Variants in CUL4A observed in about 807,000 individuals in gnomAD.
CUL4A encodes the protein cullin 4A.
CUL4A carries 16 observed loss-of-function variants against 95.5 expected under a neutral mutation model. That is an observed-to-expected ratio of 0.17 (90% confidence interval 0.11 to 0.25). The LOEUF (loss-of-function observed/expected upper bound fraction) is 0.25. Among genes scored for constraint, CUL4A ranks in the 10% least tolerant of loss-of-function variants. CUL4A has a pLI of 1.00. For missense variants in CUL4A, 610 were observed against 937.0 expected (o/e 0.65, Z 4.56); for synonymous variants, 380 against 353.1 (o/e 1.08, Z -0.85).
intron 9 of CUL4A, among the ~76,000 whole-genome samples, chr13:113,237,490 G>A (rs2041584382): frequency 6.6e-6 from 1 of 152,300 alleles, no homozygotes; most frequent in South Asian, 2.1e-4. Flanking sequence ...CTAGCAGCCT[G>A]CACCTTTAAA....
At chr13:113,234,953 T>C in intron 7 of CUL4A, 110 bp from the exon 8 acceptor site, 2 of 743,346 alleles carry the variant, frequency 2.7e-6, no homozygotes, top group Non-Finnish European at 4.5e-6. Context: ...GGCTTGAATA[T>C]GTATTCTGCT....
At chr13:113,229,619 T>A (rs1413959654) in intron 5 of CUL4A, 100 bp downstream of exon 5, 20 of 970,800 alleles carry the variant, frequency 2.1e-5, no homozygotes, top group Non-Finnish European at 2.8e-5. Flanking sequence ...TGTGTGTGAT[T>A]ACTTGTGCCT....
rs1210289688 is a variant in CUL4A, at chr13:113,232,186, G to A, written c.513-991G>A. Among the ~76,000 whole-genome samples, 11 of 6,658 alleles carry A rather than the reference G, an allele frequency of 1.7e-3. 3 individuals are homozygous for A. The highest frequency in any genetic ancestry group is 2.6e-3 in the African/African-American group (6 of 2,278). The allele number at this position is 6,658 out of a possible 152,430, so 4.4% of individuals were successfully genotyped here. A position where few individuals can be genotyped will look rare whatever the true frequency, so the allele number is the denominator to read the frequency against. On this transcript the variant is annotated intron_variant, in intron 5 of 19. Coordinates refer to ENST00000375440, the MANE Select transcript of CUL4A (RefSeq NM_001008895.4). ...CCACTACCCGCCCACCACCATTACTGCTGCCACCACTACCCGCCCACCACC... is the reference window on the plus strand; with the variant it reads ...CCACTACCCGCCCACCACCATTACTACTGCCACCACTACCCGCCCACCACC...
chr13:113,249,127 A>G (rs1595414992), intron 15 of CUL4A, among the ~76,000 whole-genome samples: 1 of 152,226 alleles, frequency 6.6e-6, no homozygotes, highest in Non-Finnish European at 1.5e-5. Flanking sequence ...TACATTAGAT[A>G]GTTCACAGAA....
chr13:113,245,086 C>A (rs754704109), intron 13 of CUL4A, 27 bp downstream of exon 13: 1 of 1,606,642 alleles, frequency 6.2e-7, no homozygotes, highest in Non-Finnish European at 8.5e-7. Flanking sequence ...TGGGCTCCTC[C>A]CCTGTAACTG....
chr13:113,245,548 G>A (rs1022998747), intron 14 of CUL4A, among the ~76,000 whole-genome samples: 7 of 152,216 alleles, frequency 4.6e-5, no homozygotes, highest in Non-Finnish European at 7.3e-5. Context: ...AGACCTTGTC[G>A]TGGATGGGTG....
chr13:113,208,714 C>T, upstream of CUL4A: 18 of 1,519,554 alleles, frequency 1.2e-5, no homozygotes, highest in Non-Finnish European at 1.5e-5. Flanking sequence ...CTCGGTCCGT[C>T]TGGGTCCTGG....
rs1041140802 is a variant in CUL4A, at chr13:113,265,327, T to G, written c.*1745T>G. 2 of 152,270 alleles carry G rather than the reference T, an allele frequency of 1.3e-5. No individual in the cohort carries two copies. The highest frequency in any genetic ancestry group is 6.5e-5 in the Admixed American group (1 of 15,284). The allele number at this position is 152,270 out of a possible 1,614,324, so 9.4% of individuals were successfully genotyped here. Reference sequence around the variant, plus strand: ...GCTATGGGAGGGCAAGGTGGGAGGATCGTTTGAGCCTGAGTTCCAGACCAT... The same window carrying G: ...GCTATGGGAGGGCAAGGTGGGAGGAGCGTTTGAGCCTGAGTTCCAGACCAT... On this transcript the variant is annotated 3_prime_UTR_variant, in exon 20 of 20. Coordinates refer to ENST00000375440, the MANE Select transcript of CUL4A (RefSeq NM_001008895.4).
At chr13:113,257,195 G>C (rs534128114) in intron 18 of CUL4A, among the ~76,000 whole-genome samples, 2 of 152,198 alleles carry the variant, frequency 1.3e-5, no homozygotes, top group East Asian at 3.9e-4. Flanking sequence ...AAAATGCTGA[G>C]ATTACAGGCG....
chr13:113,222,521 G>A (rs1452118868), intron 3 of CUL4A, among the ~76,000 whole-genome samples: 1 of 152,016 alleles, frequency 6.6e-6, no homozygotes, highest in Non-Finnish European at 1.5e-5. Flanking sequence ...GTCTGTCGTG[G>A]TCATGTTGAT....
chr13:113,243,667 T>C (rs2041784063), intron 11 of CUL4A, among the ~76,000 whole-genome samples: 1 of 151,602 alleles, frequency 6.6e-6, no homozygotes, highest in South Asian at 2.1e-4. Context: ...TGATTACTGC[T>C]GAAGATGTAA....
In CUL4A at chr13:113,245,959, A is replaced by G. The variant is rs892141798; in HGVS notation, c.1534A>G (p.Met512Val). 1.2e-6 allele frequency: 2 copies of G among 1,609,478 alleles called. No homozygotes were observed. Among genetic ancestry groups the G allele is most frequent in the South Asian group, 1.1e-5 (1 of 90,546 alleles). Residue 512 changes from methionine (M) to valine (V), a missense_variant, in exon 15 of 20, where the codon ATG becomes GTG. Around this residue, in one of 10 missense-constraint regions of CUL4A, gnomAD observed 44 missense variants for 75.6 expected, o/e 0.58. Transcript: ENST00000375440. ...GTCTTGGATTTCTCTGTTTTAGCATATGCAGAATCAGAGTGACTCAGGCCC... is the reference window on the plus strand; with the variant it reads ...GTCTTGGATTTCTCTGTTTTAGCATGTGCAGAATCAGAGTGACTCAGGCCC... ...KDIMVHFKQH[M>V]QNQSDSGPID...
chr13:113,208,518 T>G, upstream of CUL4A: 1 of 1,562,218 alleles, frequency 6.4e-7, no homozygotes, highest in South Asian at 1.2e-5. Context: ...GGAAAAGGCC[T>G]GAGGGTCCAA....
At chr13:113,254,354 C>G (rs767442435) in intron 16 of CUL4A, among the ~76,000 whole-genome samples, 20 of 152,114 alleles carry the variant, frequency 1.3e-4, no homozygotes, top group Non-Finnish European at 2.6e-4. Flanking sequence ...ATCCCAGTAC[C>G]TGGGGAGGCC....
chr13:113,229,577 G>A (rs1440366994), intron 5 of CUL4A, 58 bp downstream of exon 5: 11 of 1,401,236 alleles, frequency 7.9e-6, no homozygotes, highest in Middle Eastern at 2.0e-4. Flanking sequence ...TTTTCGTCCC[G>A]TTTGTGTCTT....
chr13:113,227,907 CA>C (rs34413442), intron 3 of CUL4A, 68 bp from the exon 4 acceptor site: 59,130 of 771,866 alleles, frequency 0.077, 1 homozygote, highest in South Asian at 0.13. Flanking sequence ...GACTCCATCT[CA>C]AAAAAAAAAA....
intron 3 of CUL4A, among the ~76,000 whole-genome samples, chr13:113,222,401 G>A (rs2040931661): frequency 6.6e-6 from 1 of 152,192 alleles, no homozygotes; most frequent in South Asian, 2.1e-4. Context: ...TGGTTAGAGG[G>A]AAAGGATCTG....
chr13:113,254,958 A>G lies in CUL4A; in HGVS notation c.1864A>G (p.Ser622Gly), dbSNP rs745827321. 3 of 1,610,562 alleles carry G rather than the reference A, an allele frequency of 1.9e-6. No individual in the cohort carries two copies. The Admixed American group carries it at 5.1e-5, about 27-fold the overall frequency. Residue 622 changes from serine to glycine, a missense_variant, in exon 18 of 20, where the codon AGT (serine) becomes GGT (glycine). Coordinates refer to ENST00000375440, the MANE Select transcript of CUL4A (RefSeq NM_001008895.4). ...EIKMATGIED[S>G]ELRRTLQSLA... is the part of the protein sequence containing the mutation. ...TGCATTTGCTTCCCATTCAGAGGAT[A>G]GTGAATTGCGCAGAACGCTGCAGTC...
At chr13:113,212,265 T>G (rs2040477929) in intron 2 of CUL4A, among the ~76,000 whole-genome samples, 1 of 152,190 alleles carries the variant, frequency 6.6e-6, no homozygotes, top group South Asian at 2.1e-4. Context: ...GTCTTTTGAT[T>G]CTCTTAACTG....
Sources: gnomAD v4.1 joint callset for allele counts (sites outside exome capture counted in the v4.1 genomes callset) on GRCh38, gnomAD v4.1.1 for gene constraint, gnomAD v4.1.1 regional missense constraint, MANE v1.5 for transcripts, NCBI Gene and HGNC (gene_info 2026-07-23, HGNC 2026-07-21) for gene names.